ADGRL2: variants seen among roughly 807,000 people sequenced by gnomAD.
The protein encoded by ADGRL2 is calcium-independent alpha-latrotoxin receptor 2.
ADGRL2 carries 44 observed loss-of-function variants against 157.4 expected under a neutral mutation model. The ratio of observed to expected loss-of-function variants is 0.28; its 90% CI spans 0.22 to 0.36. ADGRL2 has a LOEUF of 0.36. Among genes scored for constraint, ADGRL2 ranks in the 10% least tolerant of loss-of-function variants. The probability of loss-of-function intolerance (pLI) is 1.00; values close to 1 mark genes in which losing one functional copy is unlikely to be tolerated. For synonymous variants in ADGRL2, 585 were observed against 624.7 expected, an observed-to-expected ratio of 0.94 and a Z score of 0.95; for missense variants, 1,510 against 1,768.9, an observed-to-expected ratio of 0.85 and a Z score of 2.63.
chr1:81,528,488 A>T lies in ADGRL2; in HGVS notation c.-247-52388A>T, dbSNP rs561033480. Among the ~76,000 whole-genome samples the T allele has an allele frequency of 2.8e-3, 433 of 152,158 alleles. 1 individual carries two copies. Among genetic ancestry groups the T allele is most frequent in the African/African-American group, 9.7e-3 (402 of 41,498 alleles). On this transcript the variant is annotated intron_variant, in intron 2 of 24. Transcript: ENST00000370721. ...CGGTGAAACCCCGTCTCTACCAAAA[A>T]TACAAAAAATTAGCCGGGCGCTGTG...
At chr1:81,524,314 C>T (rs1346868836) in intron 2 of ADGRL2, among the ~76,000 whole-genome samples, 4 of 152,132 alleles carry the variant, frequency 2.6e-5, no homozygotes, top group South Asian at 4.2e-4. Context: ...TGCAGTGAGC[C>T]GAGATCGAGC....
chr1:81,812,372 TA>T (rs2089964868), intron 1 of ADGRL2, among the ~76,000 whole-genome samples: 2 of 151,808 alleles, frequency 1.3e-5, no homozygotes. Context: ...TAGTGCAACT[TA>T]ATGTACTAAA....
chr1:81,494,854 TA>T (rs1416853550), intron 2 of ADGRL2, among the ~76,000 whole-genome samples: 1 of 152,162 alleles, frequency 6.6e-6, no homozygotes, highest in Non-Finnish European at 1.5e-5. Flanking sequence ...ACATCCCAAA[TA>T]ATGAAGCTGC....
At chr1:81,572,725 G>A (rs902686870) in intron 2 of ADGRL2, among the ~76,000 whole-genome samples, 1 of 151,892 alleles carries the variant, frequency 6.6e-6, no homozygotes, top group Admixed American at 6.6e-5. Context: ...AAGTTTCCTG[G>A]CCAAATTATT....
At chr1:81,641,309 A>G (rs2082214776) in intron 3 of ADGRL2, among the ~76,000 whole-genome samples, 1 of 152,184 alleles carries the variant, frequency 6.6e-6, no homozygotes, top group Non-Finnish European at 1.5e-5. Context: ...GTACAGTGCC[A>G]TCAATCAACT....
chr1:81,634,523 T>TG (rs879762080), intron 3 of ADGRL2, among the ~76,000 whole-genome samples: 15,768 of 147,936 alleles, frequency 0.11, 901 homozygotes, highest in Middle Eastern at 0.14. Context: ...TTTTTTTTTT[T>TG]TTGGTTTTTT....
intron 1 of ADGRL2, among the ~76,000 whole-genome samples, chr1:81,349,030 A>G (rs1425413102): frequency 1.3e-5 from 2 of 152,198 alleles, no homozygotes; most frequent in Non-Finnish European, 2.9e-5. Flanking sequence ...CTGATTTTTG[A>G]TTACACTTAA....
intron 1 of ADGRL2, chr1:81,699,944 G>C (rs1178635155): frequency 6.6e-6 from 1 of 152,152 alleles, no homozygotes; most frequent in Non-Finnish European, 1.5e-5. Flanking sequence ...GAACTTGAGG[G>C]ATAGAATTGT....
chr1:81,652,599 G>C lies in ADGRL2; in HGVS notation c.-143+71619G>C, dbSNP rs558450391. Among the ~76,000 whole-genome samples the C allele has an allele frequency of 4.6e-5, 7 of 152,130 alleles. No homozygotes were observed. In the East Asian group the frequency reaches 1.4e-3, roughly 29 times the overall value. ...TTAAAAATATACAAACCATATGTTA[G>C]TGTTTTTATTTGGTTCCTCAAATAA... On this transcript the variant is annotated intron_variant, in intron 3 of 24. Coordinates refer to the ADGRL2 transcript ENST00000370721.
At chr1:81,882,121 G>A (rs2094003907) in intron 2 of ADGRL2, among the ~76,000 whole-genome samples, 1 of 152,180 alleles carries the variant, frequency 6.6e-6, no homozygotes. Flanking sequence ...ATAGAGAAAT[G>A]ATGATTCATA....
At chr1:81,496,334 ATGTC>A (rs1345875289) in intron 2 of ADGRL2, among the ~76,000 whole-genome samples, 1 of 152,206 alleles carries the variant, frequency 6.6e-6, no homozygotes, top group African/African-American at 2.4e-5. Context: ...TATTAATAAA[ATGTC>A]TGTCAACTGC....
chr1:81,377,902 C>T (rs1194737767), intron 1 of ADGRL2, among the ~76,000 whole-genome samples: 4 of 152,028 alleles, frequency 2.6e-5, no homozygotes, highest in African/African-American at 4.8e-5. Context: ...CGGGTGGTAC[C>T]GGGCACGGTG....
At chr1:81,511,400 G>GCACACACACA (rs149522214) in intron 2 of ADGRL2, among the ~76,000 whole-genome samples, 44 of 127,222 alleles carry the variant, frequency 3.5e-4, no homozygotes, top group Admixed American at 1.0e-3. Context: ...AAAAAAGCGC[G>GCACACACACA]CACACACACA....
intron 2 of ADGRL2, among the ~76,000 whole-genome samples, chr1:81,898,919 C>T (rs1038196373): frequency 1.3e-5 from 2 of 152,204 alleles, no homozygotes; most frequent in African/African-American, 4.8e-5. Context: ...CATATGCCAG[C>T]ACTGGTAATA....
At chr1:81,981,760 GT>G in intron 18 of ADGRL2, 47 bp from the exon 19 acceptor site, 3 of 1,490,550 alleles carry the variant, frequency 2.0e-6, no homozygotes, top group East Asian at 2.3e-5. Flanking sequence ...CGTGATGTGT[GT>G]TTTTTGCTCA....
intron 3 of ADGRL2, among the ~76,000 whole-genome samples, chr1:81,659,599 C>T (rs373438946): frequency 3.9e-5 from 6 of 152,056 alleles, no homozygotes; most frequent in East Asian, 3.9e-4. Flanking sequence ...ATGGATTGAC[C>T]GCAGGATGTG....
chr1:81,769,656 T>C (rs1164241242), intron 2 of ADGRL2, among the ~76,000 whole-genome samples: 1 of 151,970 alleles, frequency 6.6e-6, no homozygotes, highest in African/African-American at 2.4e-5. Flanking sequence ...TTGGCTATCA[T>C]GGCCTTTTTC....
chr1:81,522,185 G>A (rs1435014219), intron 2 of ADGRL2, among the ~76,000 whole-genome samples: 3 of 151,946 alleles, frequency 2.0e-5, no homozygotes, highest in South Asian at 2.1e-4. Context: ...GGCTGGTCTC[G>A]AGCTCCTGAC....
chr1:81,667,612 A>T (rs996375648), intron 3 of ADGRL2, among the ~76,000 whole-genome samples: 1 of 152,174 alleles, frequency 6.6e-6, no homozygotes, highest in East Asian at 1.9e-4. Flanking sequence ...CAGTGAAAAA[A>T]TTAGATATAA....
Sources: allele counts gnomAD v4.1 joint callset (sites outside exome capture counted in the v4.1 genomes callset), GRCh38; gene constraint gnomAD v4.1.1; transcripts MANE v1.5; gene names NCBI Gene and HGNC (gene_info 2026-07-23, HGNC 2026-07-21).